Variants in AMBN observed in about 807,000 individuals in gnomAD.
AMBN encodes the protein enamel matrix protein.
In AMBN, 54 loss-of-function variants were observed where a neutral mutation model predicts 48.0. The ratio of observed to expected loss-of-function variants is 1.12; its 90% confidence interval spans 0.90 to 1.41. The LOEUF is 1.41. AMBN is among the 40% of genes most tolerant of loss of function. AMBN has a pLI of 0.00. For missense variants in AMBN, 571 were observed against 547.3 expected (o/e 1.04, Z -0.43); for synonymous variants, 186 against 190.0 (o/e 0.98, Z 0.17).
chr4:70,600,670 C>A (rs575174439), intron 5 of AMBN, among the ~76,000 whole-genome samples: 2 of 152,230 alleles, frequency 1.3e-5, no homozygotes, highest in East Asian at 3.9e-4. Context: ...AATAGGGAGC[C>A]ATTCACCAAA....
chr4:70,593,248 C>T, intron 1 of AMBN, 79 bp from the exon 2 acceptor site: 1 of 1,185,526 alleles, frequency 8.4e-7, no homozygotes, highest in Non-Finnish European at 1.2e-6. Context: ...GAGACTCAGG[C>T]TCATTTTCAA....
intron 5 of AMBN, among the ~76,000 whole-genome samples, chr4:70,601,131 C>T (rs1337864038): frequency 6.6e-6 from 1 of 152,152 alleles, no homozygotes; most frequent in Non-Finnish European, 1.5e-5. Flanking sequence ...TACATACAGA[C>T]AGCTATGGGA....
At chr4:70,602,573 C>A (rs1252684618) in intron 6 of AMBN, 51 bp from the exon 7 acceptor site, 2 of 1,339,186 alleles carry the variant, frequency 1.5e-6, no homozygotes, top group South Asian at 1.5e-5. Flanking sequence ...GTCACTTTGT[C>A]TATTTTGTTT....
At position 70,602,986 on chromosome 4, in the gene AMBN, T is replaced by C; in HGVS notation, c.624T>C (p.Asp208=). ...CTGTAATATAGCTCCCAGGATTGGA[T>C]TTTGCTGATCCACAAGGTTCAACAG... ...DPQGPSLPGL[D]FADPQGSTIF... The change falls in exon 9 of 13, where the codon GAT becomes GAC. Residue 208 remains aspartate, a synonymous_variant. Transcript: ENST00000322937. The C allele has an allele frequency of 6.2e-7, 1 of 1,606,246 alleles. No individual in the cohort carries two copies. Among genetic ancestry groups the C allele is most frequent in the South Asian group, 1.1e-5 (1 of 88,468 alleles).
intron 5 of AMBN, among the ~76,000 whole-genome samples, chr4:70,601,154 A>C (rs566174722): frequency 2.6e-4 from 40 of 152,322 alleles, no homozygotes; most frequent in African/African-American, 9.1e-4. Context: ...TTAGAGAAGG[A>C]CATGACTCAT....
intron 1 of AMBN, among the ~76,000 whole-genome samples, chr4:70,592,723 TTAG>T (rs1205695950): frequency 9.2e-5 from 14 of 152,176 alleles, no homozygotes; most frequent in African/African-American, 3.4e-4. Flanking sequence ...ATAATTCATT[TTAG>T]GAAGAGGAAA....
At position 70,601,448 on chromosome 4, in the gene AMBN, C is replaced by T. The variant is rs1737518698; in HGVS notation, c.325C>T (p.Pro109Ser). The T allele has an allele frequency of 5.0e-6, 8 of 1,614,184 alleles. No individual in the cohort carries two copies. The highest frequency in any genetic ancestry group is 6.8e-6 in the Non-Finnish European group (8 of 1,180,002). The change falls in exon 6 of 13, where the codon CCT becomes TCT. Residue 109 changes from proline (P) to serine (S), a missense_variant. By Grantham distance (74) the Pro-to-Ser change is moderately conservative (BLOSUM62 -1). Coordinates refer to ENST00000322937, the MANE Select transcript of AMBN (RefSeq NM_016519.6). ...YEYSLPVHPP[P>S]LPSQPSLKPQ... ...ATATTCTTTGCCTGTGCATCCCCCA[C>T]CTCTCCCATCACAGCCATCCTTGAA... is the stretch of plus-strand genomic sequence containing the variant.
intron 12 of AMBN, among the ~76,000 whole-genome samples, chr4:70,604,122 G>A (rs1329313188): frequency 6.6e-6 from 1 of 152,162 alleles, no homozygotes; most frequent in Non-Finnish European, 1.5e-5. Context: ...ATTTCTGGGT[G>A]ATGACTATTC....
rs754791754 is a variant in AMBN, at chr4:70,601,596, G to A, written c.473G>A (p.Gly158Glu). 1.2e-6 allele frequency: 2 copies of A among 1,614,102 alleles called. No homozygotes were observed. The highest frequency in any genetic ancestry group is 1.7e-4 in the Middle Eastern group (1 of 6,058). Residue 158 changes from glycine (G) to glutamate (E), a missense_variant, in exon 6 of 13, where the codon GGA becomes GAA. Gly to Glu is a moderately conservative substitution (Grantham distance 98, BLOSUM62 -2). Coordinates refer to ENST00000322937, the MANE Select transcript of AMBN (RefSeq NM_016519.6). ...CTGGGACATCTGCCCTTGCAGGAAG[G>A]AGAACTGCCTCTGGTTCAGCAGCAG... ...IHLGHLPLQE[G>E]ELPLVQQQVA... is the part of the protein sequence containing the mutation.
intron 12 of AMBN, among the ~76,000 whole-genome samples, chr4:70,604,190 G>T (rs1737588678): frequency 6.6e-6 from 1 of 152,132 alleles, no homozygotes; most frequent in African/African-American, 2.4e-5. Flanking sequence ...AACTCCCCTT[G>T]AAAGGCCGTC....
intron 2 of AMBN, among the ~76,000 whole-genome samples, chr4:70,595,573 G>A (rs1163789912): frequency 6.6e-6 from 1 of 152,026 alleles, no homozygotes; most frequent in Non-Finnish European, 1.5e-5. Flanking sequence ...GAAAAAGGTG[G>A]TGGGTGGAAA....
chr4:70,598,364 A>G lies in AMBN; in HGVS notation c.144A>G (p.Arg48=), dbSNP rs771843046. 6.3e-7 allele frequency: 1 copy of G among 1,583,718 alleles called. No individual in the cohort carries two copies. Among genetic ancestry groups the G allele is most frequent in the South Asian group, 1.2e-5 (1 of 85,450 alleles). The change falls in exon 4 of 13, where the codon AGA becomes AGG. Residue 48 remains arginine (R), a synonymous_variant. Coordinates refer to ENST00000322937, the MANE Select transcript of AMBN (RefSeq NM_016519.6). ...GMASLSLETM[R]QLGSLQRLNT... ...CTTTTTTTTCTTGATAGACAATGAGACAGTTGGGAAGTCTGCAGAGATTAA... is the reference window on the plus strand; with the variant it reads ...CTTTTTTTTCTTGATAGACAATGAGGCAGTTGGGAAGTCTGCAGAGATTAA...
In AMBN at chr4:70,598,349, T is replaced by C. The variant is rs1281827178; in HGVS notation, c.136-7T>C. ...ATAAACAGTAACCCACTTTTTTTTC[T>C]TGATAGACAATGAGACAGTTGGGAA... On this transcript the variant is annotated splice_region_variant and splice_polypyrimidine_tract_variant and intron_variant, in intron 3 of 12. Coordinates refer to ENST00000322937, the MANE Select transcript of AMBN (RefSeq NM_016519.6). 1 of 1,565,324 alleles carries C rather than the reference T, an allele frequency of 6.4e-7. No individual in the cohort carries two copies. The highest frequency in any genetic ancestry group is 8.7e-7 in the Non-Finnish European group (1 of 1,155,516).
At chr4:70,593,863 T>TA (rs5859239) in intron 2 of AMBN, among the ~76,000 whole-genome samples, 1,928 of 138,252 alleles carry the variant, frequency 0.014, 27 homozygotes, top group African/African-American at 0.03. Context: ...AGACTCCATT[T>TA]AAAAAAAAAA....
At chr4:70,598,273 G>T (rs1737433691) in intron 3 of AMBN, 83 bp from the exon 4 acceptor site, 1 of 916,230 alleles carries the variant, frequency 1.1e-6, no homozygotes, top group Non-Finnish European at 1.6e-6. Context: ...ACTTTGTGTT[G>T]ATAATGTCAA....
At chr4:70,596,322 T>A (rs970868415) in intron 2 of AMBN, among the ~76,000 whole-genome samples, 1 of 151,558 alleles carries the variant, frequency 6.6e-6, no homozygotes, top group African/African-American at 2.4e-5. Flanking sequence ...TTTAAAAAGC[T>A]AATTGTATAG....
intron 2 of AMBN, among the ~76,000 whole-genome samples, chr4:70,594,961 G>A (rs1737356454): frequency 6.6e-6 from 1 of 152,094 alleles, no homozygotes; most frequent in Non-Finnish European, 1.5e-5. Flanking sequence ...ATGACTTAGA[G>A]CAGATGGAAA....
chr4:70,594,237 A>G (rs1049142028), intron 2 of AMBN, among the ~76,000 whole-genome samples: 3 of 152,226 alleles, frequency 2.0e-5, no homozygotes, highest in Non-Finnish European at 2.9e-5. Flanking sequence ...TATCATAGTG[A>G]TGGGGCTAAT....
chr4:70,595,968 C>A (rs1180520670), intron 2 of AMBN, among the ~76,000 whole-genome samples: 1 of 152,080 alleles, frequency 6.6e-6, no homozygotes, highest in Non-Finnish European at 1.5e-5. Context: ...CAAGCCTGGG[C>A]AACATAGTGA....
Sources: gnomAD v4.1 joint callset for allele counts (sites outside exome capture counted in the v4.1 genomes callset) on GRCh38, gnomAD v4.1.1 for gene constraint, MANE v1.5 for transcripts, NCBI Gene and HGNC (gene_info 2026-07-23, HGNC 2026-07-21) for gene names.